The following TMEM132B variants were observed in gnomAD, a reference collection of about 807,000 sequenced individuals.
TMEM132B encodes the protein transmembrane protein 132B.
In TMEM132B, 18 loss-of-function variants were observed where a neutral mutation model predicts 90.8. That is an observed-to-expected ratio of 0.20 (90% CI 0.14 to 0.29). The LOEUF is 0.29. TMEM132B is among the 10% of genes least tolerant of loss of function. The pLI is 1.00. For synonymous variants in TMEM132B, 504 were observed against 523.3 expected (o/e 0.96, Z 0.50); for missense variants, 1,096 against 1,326.8 (o/e 0.83, Z 2.70).
intron 3 of TMEM132B, among the ~76,000 whole-genome samples, chr12:125,493,815 C>T (rs937117042): frequency 1.3e-5 from 2 of 151,514 alleles, no homozygotes; most frequent in East Asian, 2.0e-4. Flanking sequence ...CCCTCCTCTC[C>T]GTCCTCCCTG....
chr12:125,471,669 C>T (rs143889908), intron 3 of TMEM132B, among the ~76,000 whole-genome samples: 1 of 152,324 alleles, frequency 6.6e-6, no homozygotes, highest in Non-Finnish European at 1.5e-5. Context: ...GTGAGTCTGA[C>T]ATATTGGAGA....
intron 1 of TMEM132B, among the ~76,000 whole-genome samples, chr12:125,221,916 G>A (rs1873568759): frequency 6.6e-6 from 1 of 152,188 alleles, no homozygotes; most frequent in African/African-American, 2.4e-5. Context: ...GCGTGGTTGG[G>A]GCAATCCAGT....
intron 3 of TMEM132B, among the ~76,000 whole-genome samples, chr12:125,485,482 A>G (rs1882176241): frequency 6.6e-6 from 1 of 152,136 alleles, no homozygotes; most frequent in African/African-American, 2.4e-5. Context: ...GATGGGACAA[A>G]TTCTCCTCAC....
intron 4 of TMEM132B, among the ~76,000 whole-genome samples, chr12:125,520,110 G>C (rs1883271279): frequency 6.6e-6 from 1 of 152,178 alleles, no homozygotes. Context: ...TAGAGCCCCA[G>C]AGTCCACAAA....
rs548525185 is a variant in TMEM132B at position 125,530,684 on chromosome 12, C to T, written c.1293+11059C>T. Reference sequence around the variant, plus strand: ...CCAGCTTCCGCTGGCTCCAGGCGTTCCTTAGCCTGTGGCCACCTTGCCCTC... The same window carrying T: ...CCAGCTTCCGCTGGCTCCAGGCGTTTCTTAGCCTGTGGCCACCTTGCCCTC... On this transcript the variant is annotated intron_variant, in intron 4 of 8. Coordinates refer to ENST00000682704, the MANE Select transcript of TMEM132B (RefSeq NM_001366854.1). Among the ~76,000 whole-genome samples the T allele has an allele frequency of 8.5e-5, 13 of 152,320 alleles. No homozygotes were observed. In the South Asian group the frequency reaches 2.7e-3, roughly 32 times the overall value.
rs372738030 is a variant in TMEM132B, at chr12:125,415,658, C to G, written c.1087C>G (p.Arg363Gly). The change falls in exon 3 of 9, where the codon CGC (arginine) becomes GGC (glycine). Residue 363 changes from arginine to glycine, a missense_variant. Physicochemically the swap from Arg to Gly is moderately radical, Grantham distance 125. Transcript: ENST00000682704. The surrounding 1 kb of genome is among the most constrained non-coding windows in gnomAD (Gnocchi z 5.3). ...GGCCACCCTCACCTGCATGGGCCAT[C>G]GCCCGGACACGCAGAGCAGGTAAGC... Reference protein sequence around the residue: ...TSATLTCMGHRPDTQSRVNGS... With the variant: ...TSATLTCMGHGPDTQSRVNGS... 1 of 1,614,000 alleles carries G rather than the reference C, an allele frequency of 6.2e-7. No individual in the cohort carries two copies. The highest frequency in any genetic ancestry group is 8.5e-7 in the Non-Finnish European group (1 of 1,180,028).
At chr12:125,243,896 C>T (rs757776451) in intron 1 of TMEM132B, among the ~76,000 whole-genome samples, 5 of 152,144 alleles carry the variant, frequency 3.3e-5, no homozygotes, top group East Asian at 1.9e-4. Context: ...AAGCCCCATA[C>T]GTATTAGCAG....
chr12:125,657,320 T>G lies in TMEM132B; in HGVS notation c.*2610T>G, dbSNP rs2137065516. 7.4e-6 allele frequency: 1 copy of G among 134,232 alleles called. No homozygotes were observed. The highest frequency in any genetic ancestry group is 2.7e-4 in the South Asian group (1 of 3,708). The allele number at this position is 134,232 out of a possible 1,614,324, so 8.3% of individuals were successfully genotyped here. On this transcript the variant is annotated 3_prime_UTR_variant, in exon 9 of 9. Coordinates refer to ENST00000682704, the MANE Select transcript of TMEM132B (RefSeq NM_001366854.1). Reference sequence around the variant, plus strand: ...CCACACCCAGATGTATATAAACGCATATACATACATATACCCGTGTGTGTG... The same window carrying G: ...CCACACCCAGATGTATATAAACGCAGATACATACATATACCCGTGTGTGTG...
At position 125,655,991 on chromosome 12, in the gene TMEM132B, A is replaced by G. The variant is rs550911210; in HGVS notation, c.*1281A>G. 2.0e-5 allele frequency: 3 copies of G among 152,296 alleles called. No individual in the cohort carries two copies. The East Asian group carries it at 5.8e-4, about 29-fold the overall frequency. 9.4% of individuals were successfully genotyped at this position (152,296 alleles called of 1,614,324 possible). On this transcript the variant is annotated 3_prime_UTR_variant, in exon 9 of 9. Transcript: ENST00000682704. ...CCATACAAATAAATGACTATTCCAG[A>G]ACTCAAGAAGCAGCTATTATAGAAA...
At chr12:125,369,003 T>C (rs1271029222) in intron 2 of TMEM132B, among the ~76,000 whole-genome samples, 5 of 152,104 alleles carry the variant, frequency 3.3e-5, no homozygotes, top group Non-Finnish European at 5.9e-5. Context: ...GTATATCTCC[T>C]AATGCTATCC....
intron 1 of TMEM132B, among the ~76,000 whole-genome samples, chr12:125,341,087 G>GC (rs2136220658): frequency 6.6e-6 from 1 of 152,328 alleles, no homozygotes; most frequent in East Asian, 1.9e-4. Context: ...GTTCCCTTTA[G>GC]TCACTGATTA....
At chr12:125,444,150 C>G (rs565179480) in intron 3 of TMEM132B, among the ~76,000 whole-genome samples, 1 of 152,134 alleles carries the variant, frequency 6.6e-6, no homozygotes, top group Non-Finnish European at 1.5e-5. Context: ...AATATTGGCA[C>G]GACATCTCAC....
At chr12:125,524,492 T>C (rs1433147961) in intron 4 of TMEM132B, among the ~76,000 whole-genome samples, 5 of 152,248 alleles carry the variant, frequency 3.3e-5, no homozygotes, top group East Asian at 1.9e-4. Context: ...AGCTTCATGA[T>C]ATTGGGCAAG....
rs892193011 is a variant in TMEM132B, at chr12:125,622,395, A to C, written c.1438-21681A>C. 16 of 842,192 alleles carry C rather than the reference A, an allele frequency of 1.9e-5. No homozygotes were observed. In the African/African-American group the frequency reaches 2.4e-4, roughly 13 times the overall value. The allele number at this position is 842,192 out of a possible 1,614,324, so 52.2% of individuals were successfully genotyped here. A position where few individuals can be genotyped will look rare whatever the true frequency, so the allele number is the denominator to read the frequency against. On this transcript the variant is annotated intron_variant, in intron 5 of 8. Transcript: ENST00000682704. Reference sequence around the variant, plus strand: ...ACAAAGCAGAGTCTTTTAAAGTAAGAATCACAATAAGTCACCATGGGAGCC... The same window carrying C: ...ACAAAGCAGAGTCTTTTAAAGTAAGCATCACAATAAGTCACCATGGGAGCC...
intron 2 of TMEM132B, among the ~76,000 whole-genome samples, chr12:125,374,641 A>G (rs890619048): frequency 6.8e-6 from 1 of 146,028 alleles, no homozygotes; most frequent in African/African-American, 2.5e-5. Context: ...GCACCCCCCG[A>G]CCCCGCCCCG....
At position 125,550,036 on chromosome 12, in the gene TMEM132B, C is replaced by T. The variant is rs940499364; in HGVS notation, c.1293+30411C>T. 1.7e-4 allele frequency among the ~76,000 whole-genome samples: 26 copies of T among 152,288 alleles called. 1 individual carries two copies. The highest frequency in any genetic ancestry group is 5.1e-4 in the African/African-American group (21 of 41,554). ...AGTACTGGGCCTTTCCAGCAGAGGA[C>T]GCTAGAGGGACAGTGTGGGGCACAT... On this transcript the variant is annotated intron_variant, in intron 4 of 8. Coordinates refer to ENST00000682704, the MANE Select transcript of TMEM132B (RefSeq NM_001366854.1).
At chr12:125,429,937 G>C (rs1044112040) in intron 3 of TMEM132B, among the ~76,000 whole-genome samples, 8 of 152,164 alleles carry the variant, frequency 5.3e-5, no homozygotes, top group Admixed American at 4.6e-4. Context: ...GAAGGGGTGG[G>C]GAGTTATGCT....
chr12:125,316,152 C>T (rs1340596913), intron 1 of TMEM132B, among the ~76,000 whole-genome samples: 1 of 152,234 alleles, frequency 6.6e-6, no homozygotes, highest in Non-Finnish European at 1.5e-5. Flanking sequence ...GGTGTTGGAA[C>T]ATTCTTTCTA....
intron 3 of TMEM132B, among the ~76,000 whole-genome samples, chr12:125,437,752 T>C (rs1826336): frequency 0.55 from 83,479 of 152,026 alleles, 24,440 homozygotes; most frequent in African/African-American, 0.77. Flanking sequence ...TCCATATATA[T>C]GAAATGTCCA....
Sources: gnomAD v4.1 joint callset for allele counts (sites outside exome capture counted in the v4.1 genomes callset) on GRCh38, gnomAD v4.1.1 for gene constraint, Gnocchi (gnomAD v3.1) non-coding constraint, MANE v1.5 for transcripts, NCBI Gene and HGNC (gene_info 2026-07-23, HGNC 2026-07-21) for gene names.